Variants in CD33 observed in about 807,000 individuals in gnomAD.
CD33 encodes CD33 molecule, also known as myeloid cell surface antigen CD33.
Under a neutral mutation model 31.4 loss-of-function variants are expected in CD33, and 25 were observed. That is an observed-to-expected ratio of 0.80 (90% CI 0.58 to 1.11). CD33 has a LOEUF of 1.11. CD33 is among the 50% of genes most tolerant of loss of function. The pLI, the probability that CD33 is intolerant of heterozygous loss-of-function variation, is 0.00. For synonymous variants in CD33, 176 were observed against 180.6 expected (o/e 0.97, Z 0.20); for missense variants, 407 against 448.1 (o/e 0.91, Z 0.83).
chr19:51,212,502 T>A, the CD33 span, among the ~76,000 whole-genome samples: 1 of 151,632 alleles, frequency 6.6e-6, no homozygotes. Context: ...TCAGCCCCCA[T>A]GGCCATCTGA....
chr19:51,225,450 C>A lies in CD33; in HGVS notation c.270C>A (p.Phe90Leu). 6.2e-7 allele frequency: 1 copy of A among 1,614,082 alleles called. No homozygotes were observed. Among genetic ancestry groups the A allele is most frequent in the East Asian group, 2.2e-5 (1 of 44,882 alleles). Reference sequence around the variant, plus strand: ...TACAGGAGGAGACTCAGGGCAGATTCCGCCTCCTTGGGGATCCCAGTAGGA... The same window carrying A: ...TACAGGAGGAGACTCAGGGCAGATTACGCCTCCTTGGGGATCCCAGTAGGA... ...QEVQEETQGR[F>L]RLLGDPSRNN... The change falls in exon 2 of 7, where the codon TTC (phenylalanine) becomes TTA (leucine). Residue 90 changes from phenylalanine to leucine, a missense_variant. Coordinates refer to ENST00000262262, the MANE Select transcript of CD33 (RefSeq NM_001772.4).
upstream of CD33, among the ~76,000 whole-genome samples, chr19:51,221,749 C>G (rs1489009183): frequency 6.6e-6 from 1 of 152,176 alleles, no homozygotes; most frequent in Non-Finnish European, 1.5e-5. Flanking sequence ...TGAAAACAAT[C>G]TGAATGCTCC....
chr19:51,223,257 C>T (rs115466481), upstream of CD33, among the ~76,000 whole-genome samples: 1,447 of 152,132 alleles, frequency 9.5e-3, 16 homozygotes, highest in African/African-American at 0.031. Context: ...TTTTCTATTA[C>T]GTGCCACATG....
the CD33 span, among the ~76,000 whole-genome samples, chr19:51,214,324 A>T: frequency 6.6e-6 from 1 of 151,090 alleles, no homozygotes; most frequent in South Asian, 2.1e-4. Flanking sequence ...CAGCCTCCTG[A>T]GTAGCTGGGA....
rs1034315375 is a variant in CD33, at chr19:51,239,775, C to A, written c.*87C>A. ...AAGGCTGATTCTTGGAGATTTAACA[C>A]CCCACAGGCAATGGGTTTATAGACA... On this transcript the variant is annotated 3_prime_UTR_variant, in exon 7 of 7. Transcript: ENST00000262262. The A allele has an allele frequency of 4.4e-5, 47 of 1,062,502 alleles. No individual in the cohort carries two copies. Among genetic ancestry groups the A allele is most frequent in the Non-Finnish European group, 4.1e-5 (30 of 731,018 alleles). 65.8% of individuals were successfully genotyped at this position (1,062,502 alleles called of 1,614,324 possible).
chr19:51,236,434 A>G (rs1335751927), intron 6 of CD33: 1 of 157,478 alleles, frequency 6.4e-6, no homozygotes, highest in Non-Finnish European at 1.4e-5. Context: ...GGGTTTATTA[A>G]GGAGGATTGT....
At chr19:51,219,884 C>T in the CD33 span, among the ~76,000 whole-genome samples, 2 of 152,132 alleles carry the variant, frequency 1.3e-5, no homozygotes, top group African/African-American at 4.8e-5. Context: ...CCTACTTGAT[C>T]GTGACGAATT....
Position 51,225,502 on chromosome 19 carries a change from G to T in CD33, c.322G>T (p.Ala108Ser). ...CAACTGCTCCCTGAGCATCGTAGAC[G>T]CCAGGAGGAGGGATAATGGTTCATA... is the stretch of plus-strand genomic sequence containing the variant. ...RNNCSLSIVD[A>S]RRRDNGSYFF... The change falls in exon 2 of 7, where the codon GCC becomes TCC. Residue 108 changes from alanine to serine, a missense_variant. Ala to Ser is a moderately conservative substitution (Grantham distance 99). Coordinates refer to ENST00000262262, the MANE Select transcript of CD33 (RefSeq NM_001772.4). The T allele has an allele frequency of 6.2e-7, 1 of 1,612,916 alleles. No homozygotes were observed. The highest frequency in any genetic ancestry group is 8.5e-7 in the Non-Finnish European group (1 of 1,179,376).
chr19:51,230,484 G>A (rs1981329129), intron 4 of CD33, among the ~76,000 whole-genome samples: 1 of 152,150 alleles, frequency 6.6e-6, no homozygotes, highest in Admixed American at 6.5e-5. Context: ...TTATTGTATT[G>A]GAGTCTATCT....
chr19:51,233,232 G>A (rs1009392377), intron 4 of CD33, among the ~76,000 whole-genome samples: 1 of 152,214 alleles, frequency 6.6e-6, no homozygotes, highest in Non-Finnish European at 1.5e-5. Context: ...CCCCAGCCTG[G>A]GGATGTATCA....
upstream of CD33, among the ~76,000 whole-genome samples, chr19:51,224,759 G>T (rs994017884): frequency 1.3e-5 from 2 of 152,114 alleles, no homozygotes; most frequent in Non-Finnish European, 2.9e-5. Context: ...ATCAGCCCTG[G>T]TGTAAACAGT....
rs1293131349 is a variant in CD33, at chr19:51,235,502, C to G, written c.843-93C>G. ...TTGAGGGCTCCTGGATTAATCCCAC[C>G]CTTTACCTGCCAAAGTCCCTCATTC... On this transcript the variant is annotated intron_variant, in intron 5 of 6. Coordinates refer to ENST00000262262, the MANE Select transcript of CD33 (RefSeq NM_001772.4). 3.4e-5 allele frequency: 51 copies of G among 1,491,676 alleles called. 1 individual carries two copies. In the South Asian group the frequency reaches 6.7e-4, roughly 20 times the overall value. The allele number at this position is 1,491,676 out of a possible 1,614,324, so 92.4% of individuals were successfully genotyped here.
At chr19:51,230,097 A>G (rs959189731) in intron 4 of CD33, among the ~76,000 whole-genome samples, 1 of 152,068 alleles carries the variant, frequency 6.6e-6, no homozygotes, top group Non-Finnish European at 1.5e-5. Context: ...GAAATTTTTA[A>G]ATATCATTCT....
At chr19:51,222,421 A>G (rs1384353665), upstream of CD33, among the ~76,000 whole-genome samples, 3 of 152,262 alleles carry the variant, frequency 2.0e-5, no homozygotes, top group Non-Finnish European at 2.9e-5. Flanking sequence ...AAAACCATGT[A>G]TGTAAAAAGA....
At chr19:51,217,453 G>A in the CD33 span, among the ~76,000 whole-genome samples, 3 of 150,248 alleles carry the variant, frequency 2.0e-5, no homozygotes, top group Non-Finnish European at 4.4e-5. Flanking sequence ...TCTGTTGCCC[G>A]GGCTTGAGTG....
intron 4 of CD33, among the ~76,000 whole-genome samples, chr19:51,231,006 C>G (rs1981366929): frequency 6.6e-6 from 1 of 152,234 alleles, no homozygotes; most frequent in Non-Finnish European, 1.5e-5. Context: ...CATAAAACCC[C>G]TCATAGCCTC....
At chr19:51,216,421 T>C in the CD33 span, among the ~76,000 whole-genome samples, 1 of 152,054 alleles carries the variant, frequency 6.6e-6, no homozygotes, top group South Asian at 2.1e-4. Flanking sequence ...ATTAAGAAGA[T>C]GTTCTGGGCT....
chr19:51,232,251 T>C (rs2123264728), intron 4 of CD33, among the ~76,000 whole-genome samples: 1 of 152,392 alleles, frequency 6.6e-6, no homozygotes, highest in East Asian at 1.9e-4. Context: ...CTGGCCTATA[T>C]AATGTTACTG....
chr19:51,235,928 G>A, intron 6 of CD33: 4 of 699,964 alleles, frequency 5.7e-6, no homozygotes, highest in South Asian at 3.0e-5. Context: ...GGAGGCCAAG[G>A]CGGGCGGATC....
Sources: gnomAD v4.1 joint callset for allele counts (sites outside exome capture counted in the v4.1 genomes callset) on GRCh38, gnomAD v4.1.1 for gene constraint, MANE v1.5 for transcripts, NCBI Gene and HGNC (gene_info 2026-07-23, HGNC 2026-07-21) for gene names.